The following RALY variants were observed in gnomAD, a reference collection of about 807,000 sequenced individuals.
RALY encodes the protein RNA-binding protein Raly.
RALY carries 15 observed loss-of-function variants against 30.7 expected under a neutral mutation model. The ratio of observed to expected loss-of-function variants is 0.49; its 90% CI spans 0.33 to 0.75. The LOEUF is 0.75. RALY is among the 30% of genes least tolerant of loss of function. The pLI is 0.02. For missense variants in RALY, 339 were observed against 414.3 expected (o/e 0.82, Z 1.58); for synonymous variants, 177 against 170.8 (o/e 1.04, Z -0.28).
At chr20:34,013,400 C>T (rs906655881) in intron 1 of RALY, among the ~76,000 whole-genome samples, 2 of 117,218 alleles carry the variant, frequency 1.7e-5, no homozygotes, top group Non-Finnish European at 1.7e-5. Flanking sequence ...GGCATCAGAA[C>T]GAGACCTTGT....
intron 3 of RALY, 91 bp downstream of exon 3, chr20:34,072,421 C>A: frequency 1.4e-6 from 2 of 1,413,028 alleles, no homozygotes; most frequent in Non-Finnish European, 1.9e-6. Context: ...TTTCTCTCAC[C>A]GCTACCACTG....
chr20:34,003,502 T>C (rs2031013679), intron 1 of RALY, among the ~76,000 whole-genome samples: 1 of 152,054 alleles, frequency 6.6e-6, no homozygotes, highest in African/African-American at 2.4e-5. Context: ...TGAAAGCATC[T>C]GGACAGGGGC....
In RALY at chr20:34,077,060, G is replaced by A. The variant is rs11538302; in HGVS notation, c.691G>A (p.Gly231Ser). 6.5e-3 allele frequency: 4,954 copies of A among 757,894 alleles called. 70 individuals carry two copies. The African/African-American group carries it at 0.073, about 11-fold the overall frequency. The allele number at this position is 757,894 out of a possible 1,614,324, so 46.9% of individuals were successfully genotyped here. The change falls in exon 8 of 10, where the codon GGC (glycine) becomes AGC (serine). Residue 231 changes from glycine (G) to serine (S), a missense_variant. Around this residue, in one of 2 missense-constraint regions of RALY, gnomAD observed 268 missense variants for 280.6 expected, o/e 0.95. Coordinates refer to ENST00000246194, the MANE Select transcript of RALY (RefSeq NM_016732.3). ...GKKKGDGGGA[G>S]GGGGGGGSGG... ...GAAGAAGGGTGATGGAGGTGGCGCC[G>A]GCGGCGGCGGCGGTGGTGGTGGCAG...
chr20:34,020,419 A>C (rs2031776240), intron 1 of RALY, among the ~76,000 whole-genome samples: 1 of 152,236 alleles, frequency 6.6e-6, no homozygotes, highest in South Asian at 2.1e-4. Context: ...CTGCCAAATT[A>C]CAACTCAGTG....
intron 1 of RALY, among the ~76,000 whole-genome samples, chr20:33,999,243 G>T (rs1414962062): frequency 1.3e-5 from 2 of 152,010 alleles, no homozygotes; most frequent in Non-Finnish European, 1.5e-5. Context: ...GTGCAGTTTT[G>T]TAAATGGGTG....
At chr20:34,008,029 C>T (rs774872338) in intron 1 of RALY, among the ~76,000 whole-genome samples, 1 of 152,084 alleles carries the variant, frequency 6.6e-6, no homozygotes, top group Non-Finnish European at 1.5e-5. Context: ...CTTAATCTCC[C>T]TTAAGAGTTT....
intron 8 of RALY, chr20:34,077,454 T>G: frequency 8.8e-7 from 1 of 1,135,568 alleles, no homozygotes; most frequent in Non-Finnish European, 1.2e-6. Context: ...CACTGAGGCC[T>G]AGGGCAGACC....
chr20:33,994,693 C>T (rs957289624), intron 1 of RALY, among the ~76,000 whole-genome samples: 2 of 152,052 alleles, frequency 1.3e-5, no homozygotes, highest in Admixed American at 6.5e-5. Flanking sequence ...GGGCCGTATC[C>T]GCGTTTCACT....
At chr20:34,030,879 A>G (rs2032241315) in intron 1 of RALY, among the ~76,000 whole-genome samples, 1 of 151,960 alleles carries the variant, frequency 6.6e-6, no homozygotes, top group Non-Finnish European at 1.5e-5. Flanking sequence ...TTCATGTCTT[A>G]CCCCAGACTT....
At chr20:34,026,420 T>TTA (rs199825105) in intron 1 of RALY, among the ~76,000 whole-genome samples, 3 of 150,320 alleles carry the variant, frequency 2.0e-5, no homozygotes, top group Non-Finnish European at 4.4e-5. Flanking sequence ...ATTTATTTAT[T>TTA]GAGGCGGAGT....
chr20:34,030,556 A>C (rs751910225), intron 1 of RALY, among the ~76,000 whole-genome samples: 4 of 152,244 alleles, frequency 2.6e-5, no homozygotes, highest in Non-Finnish European at 5.9e-5. Flanking sequence ...GCTAGAATCC[A>C]GGTGATCTAA....
intron 2 of RALY, among the ~76,000 whole-genome samples, chr20:34,059,663 C>G (rs2033358235): frequency 6.6e-6 from 1 of 152,216 alleles, no homozygotes; most frequent in Non-Finnish European, 1.5e-5. Context: ...GCCCCCATTA[C>G]TATTTTAACT....
At chr20:34,024,983 T>C (rs1006537760) in intron 1 of RALY, among the ~76,000 whole-genome samples, 1 of 152,172 alleles carries the variant, frequency 6.6e-6, no homozygotes, top group African/African-American at 2.4e-5. Flanking sequence ...TAGGGGGAGC[T>C]GGAACCCAAC....
intron 2 of RALY, among the ~76,000 whole-genome samples, chr20:34,054,652 T>G (rs548539751): frequency 1.3e-5 from 2 of 152,164 alleles, no homozygotes; most frequent in East Asian, 3.9e-4. Flanking sequence ...GTGGTGAAAC[T>G]TTGTCTCTAC....
chr20:34,051,381 T>TG (rs1267823234), intron 2 of RALY, among the ~76,000 whole-genome samples: 1 of 152,238 alleles, frequency 6.6e-6, no homozygotes, highest in Non-Finnish European at 1.5e-5. Context: ...GTGTGACCTT[T>TG]GGCAAGTTAC....
intron 2 of RALY, among the ~76,000 whole-genome samples, chr20:34,055,664 A>G (rs2033220309): frequency 6.6e-6 from 1 of 152,198 alleles, no homozygotes; most frequent in Admixed American, 6.5e-5. Context: ...CCTCAGGTGG[A>G]TCTTAGCCAG....
chr20:34,044,114 A>C (rs898571745), intron 2 of RALY, among the ~76,000 whole-genome samples: 1 of 152,148 alleles, frequency 6.6e-6, no homozygotes, highest in Non-Finnish European at 1.5e-5. Flanking sequence ...AAAACAGTCC[A>C]TTGTAGCCAG....
intron 2 of RALY, among the ~76,000 whole-genome samples, chr20:34,042,628 T>C (rs1453182036): frequency 6.6e-6 from 1 of 152,212 alleles, no homozygotes; most frequent in Non-Finnish European, 1.5e-5. Context: ...AACTGATTAA[T>C]GTGGAAACCA....
intron 2 of RALY, among the ~76,000 whole-genome samples, chr20:34,060,625 A>G: frequency 6.6e-6 from 1 of 152,220 alleles, no homozygotes; most frequent in East Asian, 1.9e-4. Context: ...CAGTTCAGTA[A>G]CAGAGTGAAG....
Sources: gnomAD v4.1 joint callset for allele counts (sites outside exome capture counted in the v4.1 genomes callset) on GRCh38, gnomAD v4.1.1 for gene constraint, gnomAD v4.1.1 regional missense constraint, MANE v1.5 for transcripts, NCBI Gene and HGNC (gene_info 2026-07-23, HGNC 2026-07-21) for gene names.